EHMT1: variants seen among roughly 807,000 people sequenced by gnomAD.
EHMT1 encodes the protein histone-lysine N-methyltransferase EHMT1.
A neutral mutation model predicts 147.2 loss-of-function variants in EHMT1; 15 were observed. That is an observed-to-expected ratio of 0.10 (90% CI 0.07 to 0.16). The LOEUF (loss-of-function observed/expected upper bound fraction) is 0.16. EHMT1 is among the 10% of genes least tolerant of loss of function. The pLI, the probability that EHMT1 is intolerant of heterozygous loss-of-function variation, is 1.00. For synonymous variants in EHMT1, 795 were observed against 709.6 expected (o/e 1.12, Z -1.91); for missense variants, 1,587 against 1,772.4 (o/e 0.90, Z 1.88).
intron 1 of EHMT1, among the ~76,000 whole-genome samples, chr9:137,626,783 A>ATTTT (rs1310956717): frequency 1.5e-5 from 2 of 133,022 alleles, no homozygotes; most frequent in South Asian, 4.7e-4. Context: ...CTCTTGCAGA[A>ATTTT]TTTTTTTTTT....
In EHMT1 at chr9:137,835,828, T is replaced by C. The variant is rs1055989874; in HGVS notation, c.*875T>C. On this transcript the variant is annotated 3_prime_UTR_variant, in exon 27 of 27. Transcript: ENST00000460843. ...AGAACAAAGTGATTTTAGAATAAAA[T>C]GCAGGAAAAACTTTTTTAAAGATGT... The C allele has an allele frequency of 2.0e-5, 3 of 152,728 alleles. No homozygotes were observed. The highest frequency in any genetic ancestry group is 6.5e-5 in the Admixed American group (1 of 15,304). The allele number at this position is 152,728 out of a possible 1,614,324, so 9.5% of individuals were successfully genotyped here. A position where few individuals can be genotyped will look rare whatever the true frequency, so the allele number is the denominator to read the frequency against.
Position 137,782,525 on chromosome 9 carries a change from G to C in EHMT1, c.2382+128G>C. The C allele has an allele frequency of 9.9e-6, 9 of 910,672 alleles. No homozygotes were observed. Among genetic ancestry groups the C allele is most frequent in the Non-Finnish European group, 1.5e-5 (9 of 583,184 alleles). The allele number at this position is 910,672 out of a possible 1,614,324, so 56.4% of individuals were successfully genotyped here. On this transcript the variant is annotated intron_variant, in intron 15 of 26. Coordinates refer to ENST00000460843, the MANE Select transcript of EHMT1 (RefSeq NM_024757.5). This position sits in a 1 kb window ranked among gnomAD's most constrained non-coding sequence, Gnocchi z 5.7. The stretch of plus-strand genomic sequence containing the variant: ...CGTAGTGCTGTGAATCGGGCACAGA[G>C]TCAGCTTTTCTGCCCCCGAGTCCTG...
intron 1 of EHMT1, among the ~76,000 whole-genome samples, chr9:137,694,284 C>T (rs1215005509): frequency 7.2e-6 from 1 of 139,132 alleles, no homozygotes; most frequent in Non-Finnish European, 1.5e-5. Flanking sequence ...TGGCCGATAC[C>T]CCCACACAGT....
At chr9:137,771,514 TA>T (rs1174312014) in intron 10 of EHMT1, among the ~76,000 whole-genome samples, 1 of 152,182 alleles carries the variant, frequency 6.6e-6, no homozygotes, top group African/African-American at 2.4e-5. Context: ...ATAATCGTGC[TA>T]GTGTCTCCCA....
chr9:137,799,464 G>A (rs746251742), intron 17 of EHMT1, among the ~76,000 whole-genome samples: 6 of 152,180 alleles, frequency 3.9e-5, no homozygotes, highest in South Asian at 2.1e-4. Context: ...GTGCTGAACC[G>A]CGGCGCCTCA....
At chr9:137,671,936 C>A (rs191695345) in intron 1 of EHMT1, among the ~76,000 whole-genome samples, 87 of 152,332 alleles carry the variant, frequency 5.7e-4, no homozygotes, top group African/African-American at 1.9e-3. Context: ...GCCCCTTAGT[C>A]CTTGTGTTCG....
In EHMT1 at chr9:137,813,338, G is replaced by T; in HGVS notation, c.3036-48G>T. 1 of 1,589,944 alleles carries T rather than the reference G, an allele frequency of 6.3e-7. No individual in the cohort carries two copies. On this transcript the variant is annotated intron_variant, in intron 20 of 26. Transcript: ENST00000460843. The surrounding 1 kb of genome is among the most constrained non-coding windows in gnomAD (Gnocchi z 4.9). ...CCCACTGCACGCTGTGCCACCCCCT[G>T]GGCAGAGCACGTCAGCCACCAGGTG...
intron 3 of EHMT1, among the ~76,000 whole-genome samples, chr9:137,720,142 C>T (rs994700945): frequency 3.4e-4 from 49 of 143,856 alleles, no homozygotes; most frequent in Admixed American, 1.2e-3. Flanking sequence ...CGAACCCCCT[C>T]CACACCAGGA....
At chr9:137,619,116 G>A (rs1842778872) in intron 1 of EHMT1, 67 bp downstream of exon 1, 3 of 501,304 alleles carry the variant, frequency 6.0e-6, no homozygotes, top group Non-Finnish European at 7.7e-6. Flanking sequence ...GCGCGGGGGC[G>A]AAGAACCGGG....
intron 9 of EHMT1, among the ~76,000 whole-genome samples, chr9:137,758,890 G>A (rs190433169): frequency 8.5e-5 from 13 of 152,260 alleles, no homozygotes; most frequent in Admixed American, 7.2e-4. Context: ...CACTTTGGGA[G>A]GCCGAGGTGG....
intron 14 of EHMT1, among the ~76,000 whole-genome samples, chr9:137,781,256 G>A (rs553642591): frequency 8.5e-6 from 1 of 118,254 alleles, no homozygotes; most frequent in South Asian, 2.5e-4. Flanking sequence ...GACGTGTGGT[G>A]ACGACGCTGG....
intron 25 of EHMT1, among the ~76,000 whole-genome samples, chr9:137,825,126 G>T (rs1019551334): frequency 6.6e-6 from 1 of 152,228 alleles, no homozygotes; most frequent in Non-Finnish European, 1.5e-5. Context: ...GCAACCGGGG[G>T]TGCTCTGAGC....
chr9:137,733,672 G>A (rs1191818813), intron 4 of EHMT1, among the ~76,000 whole-genome samples: 2 of 152,326 alleles, frequency 1.3e-5, no homozygotes, highest in African/African-American at 4.8e-5. Context: ...TGCATACAGA[G>A]AGGCCCTCTC....
At chr9:137,761,509 A>C (rs957280662) in intron 9 of EHMT1, among the ~76,000 whole-genome samples, 1 of 152,214 alleles carries the variant, frequency 6.6e-6, no homozygotes, top group Non-Finnish European at 1.5e-5. Flanking sequence ...ACTGGAGTGC[A>C]GTGGCACAAT....
chr9:137,717,359 T>G, intron 3 of EHMT1, 177 bp downstream of exon 3: 1 of 839,922 alleles, frequency 1.2e-6, no homozygotes, highest in Non-Finnish European at 1.9e-6. Flanking sequence ...TCGCAGCACT[T>G]TGGGAGGCTG....
intron 17 of EHMT1, 149 bp downstream of exon 17, chr9:137,799,063 CTT>C (rs1430168831): frequency 1.5e-6 from 1 of 680,512 alleles, no homozygotes. Context: ...CTCTTCCACA[CTT>C]AGGGCCAGCT....
chr9:137,664,368 T>A (rs1450983000), intron 1 of EHMT1, among the ~76,000 whole-genome samples: 1 of 151,660 alleles, frequency 6.6e-6, no homozygotes, highest in Non-Finnish European at 1.5e-5. Context: ...CTCTGCTCAC[T>A]GCAACCTCAG....
At chr9:137,823,914 A>G (rs570887610) in intron 25 of EHMT1, among the ~76,000 whole-genome samples, 4 of 152,312 alleles carry the variant, frequency 2.6e-5, no homozygotes, top group Admixed American at 6.5e-5. Context: ...AGCTCTTTCC[A>G]TCTTCTGACT....
intron 1 of EHMT1, among the ~76,000 whole-genome samples, chr9:137,634,239 C>T (rs1354641836): frequency 6.6e-6 from 1 of 152,134 alleles, no homozygotes; most frequent in African/African-American, 2.4e-5. Flanking sequence ...CAATCCAAAC[C>T]AGGGAGTTTA....
Sources: gnomAD v4.1 joint callset for allele counts (sites outside exome capture counted in the v4.1 genomes callset) on GRCh38, gnomAD v4.1.1 for gene constraint, Gnocchi (gnomAD v3.1) non-coding constraint, MANE v1.5 for transcripts, NCBI Gene and HGNC (gene_info 2026-07-23, HGNC 2026-07-21) for gene names.